RNFT2: variants seen among roughly 807,000 people sequenced by gnomAD.
RNFT2 encodes ring finger protein, transmembrane 2.
RNFT2 carries 36 observed loss-of-function variants against 53.0 expected under a neutral mutation model. That is an observed-to-expected ratio of 0.68 (90% CI 0.52 to 0.90). The LOEUF (loss-of-function observed/expected upper bound fraction) is 0.90, where lower values mean the gene tolerates loss of function less well. Among genes scored for constraint, RNFT2 ranks in the 40% least tolerant of loss-of-function variants. The pLI, the probability that RNFT2 is intolerant of heterozygous loss-of-function variation, is 0.00. For synonymous variants in RNFT2, 260 were observed against 253.2 expected, an observed-to-expected ratio of 1.03 and a Z score of -0.26; for missense variants, 514 against 585.6, an observed-to-expected ratio of 0.88 and a Z score of 1.26.
chr12:116,752,613 C>A (rs557768196), intron 4 of RNFT2, among the ~76,000 whole-genome samples: 3 of 152,174 alleles, frequency 2.0e-5, no homozygotes, highest in Non-Finnish European at 2.9e-5. Flanking sequence ...TACGGTGGCT[C>A]ACGCCTGTAA....
intron 7 of RNFT2, among the ~76,000 whole-genome samples, chr12:116,790,598 C>T (rs1874187766): frequency 6.6e-6 from 1 of 152,198 alleles, no homozygotes; most frequent in Admixed American, 6.5e-5. Flanking sequence ...ATGTCAGCCT[C>T]ATGAGGGAAA....
In RNFT2 at chr12:116,779,289, A is replaced by C; in HGVS notation, c.823A>C (p.Ile275Leu). ...IADFVLKYIT[I>L]ALKCLIVALP... Reference sequence around the variant, plus strand: ...AGACTTTGTTCTGAAGTACATCACCATCGCCCTCAAGTGCCTCATCGTGGC... The same window carrying C: ...AGACTTTGTTCTGAAGTACATCACCCTCGCCCTCAAGTGCCTCATCGTGGC... Residue 275 changes from isoleucine to leucine, a missense_variant, in exon 7 of 11, where the codon ATC becomes CTC. Physicochemically the swap from Ile to Leu is conservative, Grantham distance 5 (BLOSUM62 2). This residue lies in a region of RNFT2 where 273 missense variants were observed against 334.4 expected (regional missense o/e 0.82). Coordinates refer to ENST00000257575, the MANE Select transcript of RNFT2 (RefSeq NM_001382266.1). 2.5e-6 allele frequency: 4 copies of C among 1,614,020 alleles called. No individual in the cohort carries two copies. The highest frequency in any genetic ancestry group is 3.4e-6 in the Non-Finnish European group (4 of 1,179,900).
In RNFT2 at chr12:116,853,077, T is replaced by G; in HGVS notation, c.*3629T>G. On this transcript the variant is annotated 3_prime_UTR_variant, in exon 11 of 11. Coordinates refer to ENST00000257575, the MANE Select transcript of RNFT2 (RefSeq NM_001382266.1). ...CTGGGGGAACGTCCCATCTGAGGTT[T>G]TCTTCTCGGTGGGGGGATTTAACTT... 1 of 419,390 alleles carries G rather than the reference T, an allele frequency of 2.4e-6. No individual in the cohort carries two copies. The highest frequency in any genetic ancestry group is 4.2e-6 in the Non-Finnish European group (1 of 238,988). 26.0% of individuals were successfully genotyped at this position (419,390 alleles called of 1,614,324 possible). A position where few individuals can be genotyped will look rare whatever the true frequency, so the allele number is the denominator to read the frequency against.
rs202109683 is a variant in RNFT2 at position 116,755,001 on chromosome 12, G to A, written c.627+941G>A. Among the ~76,000 whole-genome samples the A allele has an allele frequency of 1.2e-4, 18 of 152,240 alleles. No individual in the cohort carries two copies. The East Asian group carries it at 3.1e-3, about 26-fold the overall frequency. ...AGCTCTTTAGTTTAATTAGGTCCCA[G>A]CTATTTATCTTTGTTTTTATTGCAT... On this transcript the variant is annotated intron_variant, in intron 5 of 10. Transcript: ENST00000257575.
rs1478381830 is a variant in RNFT2 at position 116,766,981 on chromosome 12, C to G, written c.728+67C>G. The G allele has an allele frequency of 4.6e-6, 5 of 1,097,296 alleles. No homozygotes were observed. In the African/African-American group the frequency reaches 6.2e-5, roughly 14 times the overall value. The allele number at this position is 1,097,296 out of a possible 1,614,324, so 68.0% of individuals were successfully genotyped here. ...ACTTGGCTGGGCTTGGGGCACGTAC[C>G]CTTTCACTTGAGAATGAGGCACAAG... On this transcript the variant is annotated intron_variant, in intron 6 of 10. Transcript: ENST00000257575.
chr12:116,790,318 G>C (rs1874174716), intron 7 of RNFT2, among the ~76,000 whole-genome samples: 2 of 152,176 alleles, frequency 1.3e-5, no homozygotes. Flanking sequence ...GCCCCACTCT[G>C]TTCTAAACTC....
intron 7 of RNFT2, among the ~76,000 whole-genome samples, chr12:116,792,270 G>A (rs552087543): frequency 6.6e-6 from 1 of 152,036 alleles, no homozygotes; most frequent in African/African-American, 2.4e-5. Context: ...GGCTGGTCTT[G>A]AACTCCTGAC....
At chr12:116,750,787 ATGTG>A (rs759690045) in intron 4 of RNFT2, among the ~76,000 whole-genome samples, 4 of 120,138 alleles carry the variant, frequency 3.3e-5, no homozygotes, top group Non-Finnish European at 4.9e-5. Flanking sequence ...TTTTTACTAT[ATGTG>A]TGTGTGTATA....
intron 4 of RNFT2, 123 bp from the exon 5 acceptor site, chr12:116,753,861 T>A (rs1872369201): frequency 1.4e-6 from 1 of 695,282 alleles, no homozygotes; most frequent in Non-Finnish European, 2.5e-6. Context: ...TTTTTTTATT[T>A]TTCTCTCTCT....
Position 116,750,000 on chromosome 12 carries a change from G to A in RNFT2, c.243G>A (p.Ser81=), listed in dbSNP as rs774198334. Residue 81 remains serine (S), a synonymous_variant, in exon 4 of 11, where the codon TCG becomes TCA. Coordinates refer to ENST00000257575, the MANE Select transcript of RNFT2 (RefSeq NM_001382266.1). ...SFPSSLVLGS[S]AGGGDVFIQM... ...CCTCCAGCCTGGTGCTGGGCTCCTC[G>A]GCTGGCGGCGGGGACGTGTTCATCC... The A allele has an allele frequency of 1.5e-5, 24 of 1,557,400 alleles. No individual in the cohort carries two copies. Among genetic ancestry groups the A allele is most frequent in the Non-Finnish European group, 2.1e-5 (24 of 1,150,678 alleles).
chr12:116,844,330 C>T (rs561401879), intron 10 of RNFT2, among the ~76,000 whole-genome samples: 11 of 152,174 alleles, frequency 7.2e-5, no homozygotes, highest in African/African-American at 1.9e-4. Flanking sequence ...TCCCAGGTCA[C>T]GGTTCAAGCA....
At chr12:116,834,658 T>C (rs554407129) in intron 8 of RNFT2, among the ~76,000 whole-genome samples, 3 of 152,310 alleles carry the variant, frequency 2.0e-5, no homozygotes, top group South Asian at 2.1e-4. Flanking sequence ...AATGGAATCA[T>C]GTAATAGGTG....
Position 116,750,034 on chromosome 12 carries a change from G to A in RNFT2, c.277G>A (p.Ala93Thr), listed in dbSNP as rs1452597801. 5 of 1,552,022 alleles carry A rather than the reference G, an allele frequency of 3.2e-6. No individual in the cohort carries two copies. Among genetic ancestry groups the A allele is most frequent in the South Asian group, 2.4e-5 (2 of 84,350 alleles). ...CGGGGACGTGTTCATCCAGATGCCCGCGTCCAGGGAGGAAGGAGGGGGCCG... is the reference window on the plus strand; with the variant it reads ...CGGGGACGTGTTCATCCAGATGCCCACGTCCAGGGAGGAAGGAGGGGGCCG... ...GGGDVFIQMP[A>T]SREEGGGRGE... Residue 93 changes from alanine to threonine, a missense_variant, in exon 4 of 11, where the codon GCG (alanine) becomes ACG (threonine). Around this residue, in one of 3 missense-constraint regions of RNFT2, gnomAD observed 237 missense variants for 235.1 expected, o/e 1.01. Coordinates refer to ENST00000257575, the MANE Select transcript of RNFT2 (RefSeq NM_001382266.1).
At chr12:116,834,036 C>T in intron 8 of RNFT2, 95 bp downstream of exon 8, 1 of 1,064,890 alleles carries the variant, frequency 9.4e-7, no homozygotes, top group South Asian at 2.9e-5. Flanking sequence ...AATACCCATG[C>T]TGATTTATTT....
At chr12:116,810,658 A>T (rs182858711) in intron 7 of RNFT2, among the ~76,000 whole-genome samples, 29 of 152,278 alleles carry the variant, frequency 1.9e-4, no homozygotes, top group African/African-American at 6.7e-4. Context: ...TGGGGGAATT[A>T]ATCATCAAGC....
intron 7 of RNFT2, among the ~76,000 whole-genome samples, chr12:116,814,869 G>T (rs1303858294): frequency 2.0e-5 from 3 of 151,968 alleles, no homozygotes; most frequent in Non-Finnish European, 2.9e-5. Flanking sequence ...AGTACAGATG[G>T]TGTTTCACCT....
intron 7 of RNFT2, among the ~76,000 whole-genome samples, chr12:116,781,818 T>C (rs1314176249): frequency 1.3e-5 from 2 of 151,960 alleles, no homozygotes; most frequent in Non-Finnish European, 2.9e-5. Context: ...GGCTCACGCC[T>C]GTAATCCTAG....
chr12:116,819,545 G>A (rs150349660), intron 7 of RNFT2, among the ~76,000 whole-genome samples: 14 of 152,112 alleles, frequency 9.2e-5, no homozygotes, highest in Middle Eastern at 3.2e-3. Context: ...ATCCGGGCCC[G>A]GGGGAGGAGG....
intron 6 of RNFT2, 103 bp from the exon 7 acceptor site, chr12:116,779,092 G>A (rs999950172): frequency 2.9e-5 from 36 of 1,228,412 alleles, no homozygotes; most frequent in Middle Eastern, 2.1e-4. Flanking sequence ...CCAGTTCAGC[G>A]CTCTTTCTAC....
Sources: gnomAD v4.1 joint callset for allele counts (sites outside exome capture counted in the v4.1 genomes callset) on GRCh38, gnomAD v4.1.1 for gene constraint, gnomAD v4.1.1 regional missense constraint, MANE v1.5 for transcripts, NCBI Gene and HGNC (gene_info 2026-07-23, HGNC 2026-07-21) for gene names.